The following KCNN3 variants were observed in gnomAD, a reference collection of about 807,000 sequenced individuals.
KCNN3 encodes the protein potassium calcium-activated channel subfamily N member 3.
KCNN3 carries 16 observed loss-of-function variants against 62.9 expected under a neutral mutation model. That is an observed-to-expected ratio of 0.25 (90% confidence interval 0.17 to 0.39). The LOEUF (loss-of-function observed/expected upper bound fraction) is 0.39, where lower values mean the gene tolerates loss of function less well. Ranked by LOEUF, KCNN3 falls within the 10% of genes least tolerant of loss-of-function variation. The probability of loss-of-function intolerance (pLI) is 1.00; values close to 1 mark genes in which losing one functional copy is unlikely to be tolerated. For synonymous variants in KCNN3, 370 were observed against 389.2 expected, an observed-to-expected ratio of 0.95 and a Z score of 0.58; for missense variants, 599 against 949.4, an observed-to-expected ratio of 0.63 and a Z score of 4.85.
chr1:154,837,646 G>C (rs1266102611), intron 1 of KCNN3, among the ~76,000 whole-genome samples: 3 of 152,186 alleles, frequency 2.0e-5, no homozygotes, highest in African/African-American at 7.2e-5. Context: ...GGGTCTGGGG[G>C]TCCCTGGGCA....
At chr1:154,713,001 C>G (rs1482606976) in intron 7 of KCNN3, among the ~76,000 whole-genome samples, 1 of 152,106 alleles carries the variant, frequency 6.6e-6, no homozygotes, top group African/African-American at 2.4e-5. Flanking sequence ...TTGAGGCCAG[C>G]AAAACTAGTT....
At chr1:154,781,055 G>A (rs1415486058) in intron 2 of KCNN3, among the ~76,000 whole-genome samples, 5 of 152,106 alleles carry the variant, frequency 3.3e-5, no homozygotes, top group East Asian at 3.8e-4. Context: ...TCTTTGGTCC[G>A]GCCAGGATAG....
At chr1:154,776,734 G>A (rs948083078) in intron 2 of KCNN3, among the ~76,000 whole-genome samples, 3 of 152,184 alleles carry the variant, frequency 2.0e-5, no homozygotes, top group African/African-American at 7.2e-5. Context: ...GCATGTGTGA[G>A]GTTTTGCTGT....
intron 1 of KCNN3, among the ~76,000 whole-genome samples, chr1:154,845,518 C>T (rs1053147052): frequency 5.9e-5 from 9 of 152,180 alleles, no homozygotes; most frequent in African/African-American, 2.2e-4. Flanking sequence ...ACTGCGGGGG[C>T]CCCACTACCC....
chr1:154,829,642 A>T (rs1651300557), intron 1 of KCNN3, among the ~76,000 whole-genome samples: 1 of 152,154 alleles, frequency 6.6e-6, no homozygotes, highest in Admixed American at 6.5e-5. Context: ...CCGCATCAGG[A>T]TGCGGGGTCT....
intron 3 of KCNN3, among the ~76,000 whole-genome samples, chr1:154,734,620 G>C (rs1322329642): frequency 1.3e-5 from 2 of 152,214 alleles, no homozygotes; most frequent in Non-Finnish European, 2.9e-5. Context: ...TGCATGTGTA[G>C]ATGCATCTAG....
chr1:154,791,184 G>C lies in KCNN3; in HGVS notation c.1030-18791C>G, dbSNP rs140758725. 7.2e-4 allele frequency among the ~76,000 whole-genome samples: 100 copies of C among 139,138 alleles called. No homozygotes were observed. The East Asian group carries it at 0.019, about 27-fold the overall frequency. The allele number at this position is 139,138 out of a possible 152,430, so 91.3% of individuals were successfully genotyped here. On this transcript the variant is annotated intron_variant, in intron 2 of 7. Transcript: ENST00000271915. Reference sequence around the variant, plus strand: ...GCAGAGGTTGCAGCGAGTCAAGATCGCACCACCGCACTCCAGCCTGGGTGA... The same window carrying C: ...GCAGAGGTTGCAGCGAGTCAAGATCCCACCACCGCACTCCAGCCTGGGTGA...
chr1:154,711,158 C>A (rs4553186), intron 7 of KCNN3, among the ~76,000 whole-genome samples: 27,721 of 151,260 alleles, frequency 0.18, 2,906 homozygotes, highest in Middle Eastern at 0.32. Flanking sequence ...GAATACTATG[C>A]AGCCATAAAA....
chr1:154,805,137 G>A (rs1263537972), intron 2 of KCNN3, among the ~76,000 whole-genome samples: 1 of 152,166 alleles, frequency 6.6e-6, no homozygotes, highest in Non-Finnish European at 1.5e-5. Context: ...GTCAGGGTTC[G>A]AGTGAGGCGG....
intron 1 of KCNN3, among the ~76,000 whole-genome samples, chr1:154,865,032 G>A (rs1236739549): frequency 6.6e-6 from 1 of 152,108 alleles, no homozygotes. Flanking sequence ...AGAGGTACCA[G>A]CTCAGCCACC....
At chr1:154,764,548 T>TA (rs976828216) in intron 3 of KCNN3, among the ~76,000 whole-genome samples, 10 of 152,210 alleles carry the variant, frequency 6.6e-5, no homozygotes, top group East Asian at 1.9e-4. Flanking sequence ...CTTTAGGTTT[T>TA]AAAAAAAATA....
chr1:154,716,179 C>T (rs1415046349), intron 5 of KCNN3, among the ~76,000 whole-genome samples: 2 of 152,236 alleles, frequency 1.3e-5, no homozygotes, highest in Non-Finnish European at 2.9e-5. Flanking sequence ...TGAGACATAT[C>T]AATGGCATCC....
intron 2 of KCNN3, among the ~76,000 whole-genome samples, chr1:154,786,819 T>TA (rs140685435): frequency 8.5e-5 from 13 of 152,344 alleles, no homozygotes; most frequent in African/African-American, 2.2e-4. Flanking sequence ...TTTTGTAATT[T>TA]AAAAAAACCC....
chr1:154,715,424 AC>A (rs1439002421), intron 5 of KCNN3, among the ~76,000 whole-genome samples: 2 of 115,070 alleles, frequency 1.7e-5, no homozygotes, highest in Non-Finnish European at 3.5e-5. Context: ...CAAGAGTGAA[AC>A]TCCATCTCAA....
Position 154,869,569 on chromosome 1 carries a change from G to C in KCNN3, c.396C>G (p.Leu132=). 6.2e-7 allele frequency: 1 copy of C among 1,614,120 alleles called. No homozygotes were observed. Among genetic ancestry groups the C allele is most frequent in the Non-Finnish European group, 8.5e-7 (1 of 1,180,012 alleles). The part of the protein sequence containing the change: ...PSSRQGSQLN[L]NDHLLGHSPS... ...GAGAGTGGCCAAGCAAGTGGTCATT[G>C]AGATTGAGCTGGCTGCCTTGCCTGG... Residue 132 remains leucine (L), a synonymous_variant, in exon 1 of 8, where the codon CTC becomes CTG. Coordinates refer to ENST00000271915, the MANE Select transcript of KCNN3 (RefSeq NM_002249.6). This position sits in a 1 kb window ranked among gnomAD's most constrained non-coding sequence, Gnocchi z 6.1.
intron 5 of KCNN3, among the ~76,000 whole-genome samples, chr1:154,721,772 G>A (rs1700355259): frequency 6.6e-6 from 1 of 151,786 alleles, no homozygotes; most frequent in African/African-American, 2.4e-5. Flanking sequence ...ACAGAAAGAT[G>A]GGGACATGAA....
At chr1:154,783,260 T>A (rs368118613) in intron 2 of KCNN3, among the ~76,000 whole-genome samples, 2 of 151,960 alleles carry the variant, frequency 1.3e-5, no homozygotes, top group South Asian at 4.2e-4. Flanking sequence ...AAGCCCACCC[T>A]TTAAATGCTC....
intron 3 of KCNN3, among the ~76,000 whole-genome samples, chr1:154,765,514 G>A (rs183293803): frequency 2.1e-4 from 32 of 152,044 alleles, no homozygotes; most frequent in Non-Finnish European, 4.6e-4. Flanking sequence ...GGAACTCTGT[G>A]CTTATGTGAA....
Position 154,869,975 on chromosome 1 carries a change from G to C in KCNN3, c.-11C>G, listed in dbSNP as rs199770911. The C allele has an allele frequency of 4.9e-4, 785 of 1,609,926 alleles. 1 individual carries two copies. The highest frequency in any genetic ancestry group is 1.6e-3 in the South Asian group (146 of 90,196). The stretch of plus-strand genomic sequence containing the variant: ...CCCAGAAGTGTCCATCTTGGGGCCT[G>C]GCTGTATTCCCTGCAGCACAAGCCC... On this transcript the variant is annotated 5_prime_UTR_variant, in exon 1 of 8. Coordinates refer to ENST00000271915, the MANE Select transcript of KCNN3 (RefSeq NM_002249.6). This position sits in a 1 kb window ranked among gnomAD's most constrained non-coding sequence, Gnocchi z 6.1.
Sources: gnomAD v4.1 joint callset for allele counts (sites outside exome capture counted in the v4.1 genomes callset) on GRCh38, gnomAD v4.1.1 for gene constraint, Gnocchi (gnomAD v3.1) non-coding constraint, MANE v1.5 for transcripts, NCBI Gene and HGNC (gene_info 2026-07-23, HGNC 2026-07-21) for gene names.